Variants in SGCD observed in about 807,000 individuals in gnomAD.
SGCD encodes the protein delta-sarcoglycan.
SGCD carries 18 observed loss-of-function variants against 36.6 expected under a neutral mutation model. That is an observed-to-expected ratio of 0.49 (90% CI 0.34 to 0.73). The LOEUF is 0.73. Ranked by LOEUF, SGCD falls within the 30% of genes least tolerant of loss-of-function variation. SGCD has a pLI of 0.01. For missense variants in SGCD, 387 were observed against 346.7 expected, an observed-to-expected ratio of 1.12 and a Z score of -0.92; for synonymous variants, 133 against 130.6, an observed-to-expected ratio of 1.02 and a Z score of -0.12.
chr5:156,718,918 C>G (rs1049102468), intron 7 of SGCD, among the ~76,000 whole-genome samples: 7 of 151,316 alleles, frequency 4.6e-5, no homozygotes, highest in Admixed American at 3.3e-4. Context: ...AATAAGGCCA[C>G]AGGTCTTTTG....
the SGCD span, among the ~76,000 whole-genome samples, chr5:155,757,977 A>G: frequency 9.2e-5 from 14 of 152,200 alleles, no homozygotes; most frequent in African/African-American, 3.4e-4. Context: ...GTAATAGGTG[A>G]CTTGTTCCTG....
chr5:156,434,318 A>G (rs1480044020), intron 3 of SGCD, among the ~76,000 whole-genome samples: 2 of 152,200 alleles, frequency 1.3e-5, no homozygotes, highest in African/African-American at 4.8e-5. Flanking sequence ...TTCTGAACAG[A>G]GTTTAGATGG....
chr5:155,737,386 G>T, the SGCD span, among the ~76,000 whole-genome samples: 1 of 152,010 alleles, frequency 6.6e-6, no homozygotes, highest in Non-Finnish European at 1.5e-5. Context: ...TTTACATGTG[G>T]AGACACAATA....
At chr5:156,137,422 TTAAG>T (rs1476215704) in intron 3 of SGCD, among the ~76,000 whole-genome samples, 4 of 152,170 alleles carry the variant, frequency 2.6e-5, no homozygotes, top group Admixed American at 2.6e-4. Flanking sequence ...GAAAAATAAT[TTAAG>T]TATTTCTCAT....
intron 7 of SGCD, among the ~76,000 whole-genome samples, chr5:156,657,577 C>G (rs567938891): frequency 1.3e-5 from 2 of 151,402 alleles, no homozygotes; most frequent in Non-Finnish European, 2.9e-5. Context: ...AGCCTGGCCA[C>G]CATGGTGAAA....
chr5:155,934,258 T>G (rs1446130022), intron 1 of SGCD, among the ~76,000 whole-genome samples: 1 of 152,228 alleles, frequency 6.6e-6, no homozygotes, highest in Non-Finnish European at 1.5e-5. Flanking sequence ...ATCTGCATTT[T>G]TGAAAAGAAG....
At chr5:156,610,441 T>C (rs1016583963) in intron 6 of SGCD, among the ~76,000 whole-genome samples, 1 of 152,188 alleles carries the variant, frequency 6.6e-6, no homozygotes, top group Non-Finnish European at 1.5e-5. Context: ...TGTGAGGTGT[T>C]TGTCTGCCCT....
chr5:155,905,837 T>A (rs1580983028), intron 1 of SGCD, among the ~76,000 whole-genome samples: 1 of 152,112 alleles, frequency 6.6e-6, no homozygotes, highest in Non-Finnish European at 1.5e-5. Context: ...ACCTTTCACC[T>A]CCTGCCATGA....
intron 3 of SGCD, among the ~76,000 whole-genome samples, chr5:156,288,869 G>A (rs1171427879): frequency 6.6e-6 from 1 of 152,004 alleles, no homozygotes; most frequent in African/African-American, 2.4e-5. Context: ...TTATGCCATC[G>A]GTTTTTTAAG....
At chr5:155,811,726 CG>C in the SGCD span, among the ~76,000 whole-genome samples, 1 of 152,082 alleles carries the variant, frequency 6.6e-6, no homozygotes, top group Non-Finnish European at 1.5e-5. Flanking sequence ...AAGCTGGGTC[CG>C]GGGGGTCACC....
At chr5:156,753,387 A>G (rs1295033259) in intron 7 of SGCD, among the ~76,000 whole-genome samples, 1 of 152,186 alleles carries the variant, frequency 6.6e-6, no homozygotes, top group Admixed American at 6.5e-5. Flanking sequence ...CACTCCCATC[A>G]GGAGGAAACC....
At chr5:156,281,488 A>G (rs571722729) in intron 3 of SGCD, among the ~76,000 whole-genome samples, 23 of 152,218 alleles carry the variant, frequency 1.5e-4, no homozygotes, top group African/African-American at 5.5e-4. Flanking sequence ...GAAGGTTAGG[A>G]ACAAAACCAT....
chr5:156,005,866 A>G (rs548526629), intron 1 of SGCD, among the ~76,000 whole-genome samples: 2 of 152,106 alleles, frequency 1.3e-5, no homozygotes, highest in Non-Finnish European at 2.9e-5. Flanking sequence ...ACCCTCTGAT[A>G]TTTTCTGGGC....
At chr5:156,540,963 A>G (rs887516202) in intron 4 of SGCD, among the ~76,000 whole-genome samples, 5 of 152,176 alleles carry the variant, frequency 3.3e-5, no homozygotes, top group African/African-American at 1.2e-4. Flanking sequence ...ACAAGTAGGT[A>G]TCCATTTTGT....
intron 1 of SGCD, among the ~76,000 whole-genome samples, chr5:155,911,901 G>A (rs559847970): frequency 6.6e-6 from 1 of 152,010 alleles, no homozygotes; most frequent in East Asian, 1.9e-4. Context: ...AGCCTTTTCT[G>A]CTGCCACCTG....
chr5:156,033,912 C>G (rs1000420519), intron 1 of SGCD, among the ~76,000 whole-genome samples: 2 of 152,114 alleles, frequency 1.3e-5, no homozygotes, highest in African/African-American at 4.8e-5. Flanking sequence ...ATCAAAGATG[C>G]CAGCCAAATC....
At chr5:156,193,122 G>C (rs966860100) in intron 3 of SGCD, among the ~76,000 whole-genome samples, 35 of 152,146 alleles carry the variant, frequency 2.3e-4, no homozygotes, top group African/African-American at 7.5e-4. Flanking sequence ...TCTAACACAA[G>C]CTAATCAACA....
chr5:155,908,019 C>G (rs1756555949), intron 1 of SGCD, among the ~76,000 whole-genome samples: 1 of 152,150 alleles, frequency 6.6e-6, no homozygotes, highest in South Asian at 2.1e-4. Flanking sequence ...CCACTCTGAT[C>G]AGTCACCAAC....
chr5:156,516,626 C>A (rs1049453582), intron 4 of SGCD, among the ~76,000 whole-genome samples: 2 of 152,196 alleles, frequency 1.3e-5, no homozygotes, highest in Non-Finnish European at 1.5e-5. Flanking sequence ...ATGATTGCAG[C>A]ACCTTTCTAG....
Sources: allele counts gnomAD v4.1 joint callset (sites outside exome capture counted in the v4.1 genomes callset), GRCh38; gene constraint gnomAD v4.1.1; transcripts MANE v1.5; gene names NCBI Gene and HGNC (gene_info 2026-07-23, HGNC 2026-07-21).